The following MDN1 variants were observed in gnomAD, a reference collection of about 807,000 sequenced individuals.
The protein encoded by MDN1 is midasin AAA ATPase 1, also known as midasin.
In MDN1, 266 loss-of-function variants were observed where a neutral mutation model predicts 669.2. The ratio of observed to expected loss-of-function variants is 0.40; its 90% CI spans 0.36 to 0.44. The LOEUF (loss-of-function observed/expected upper bound fraction) is 0.44. Among genes scored for constraint, MDN1 ranks in the 20% least tolerant of loss-of-function variants. MDN1 has a pLI of 1.00. For synonymous variants in MDN1, 2,385 were observed against 2,457.1 expected, an observed-to-expected ratio of 0.97 and a Z score of 0.87; for missense variants, 5,940 against 6,754.0, an observed-to-expected ratio of 0.88 and a Z score of 4.22.
chr6:89,700,944 G>T, intron 55 of MDN1, 88 bp from the exon 56 acceptor site: 2 of 1,071,386 alleles, frequency 1.9e-6, no homozygotes, highest in Non-Finnish European at 2.7e-6. Flanking sequence ...ATAAATTTAT[G>T]ATATATTCTT....
Position 89,650,753 on chromosome 6 carries a change from G to C in MDN1, c.16010C>G (p.Pro5337Arg). The change falls in exon 96 of 102, where the codon CCT (proline) becomes CGT (arginine). Residue 5337 changes from proline (P) to arginine (R), a missense_variant. Pro to Arg is a moderately radical substitution (Grantham distance 103). Around this residue, in one of 5 missense-constraint regions of MDN1, gnomAD observed 2,280 missense variants for 2,576.3 expected, o/e 0.88. Coordinates refer to ENST00000369393, the MANE Select transcript of MDN1 (RefSeq NM_014611.3). ...TTACTTCAGCTTGGCTGCCTGGGTA[G>C]GCTCTAATATGAGACGAAGCTCTTC... Reference protein sequence around the residue: ...LCEELRLILEPTQAAKLKGDY... With the variant: ...LCEELRLILERTQAAKLKGDY... 2 of 1,613,992 alleles carry C rather than the reference G, an allele frequency of 1.2e-6. No individual in the cohort carries two copies. The highest frequency in any genetic ancestry group is 1.3e-5 in the African/African-American group (1 of 75,050).
chr6:89,649,668 G>C (rs4140447), intron 97 of MDN1, among the ~76,000 whole-genome samples: 135,349 of 152,248 alleles, frequency 0.89, 60,478 homozygotes, highest in East Asian at 1. Context: ...TTTTTTTTAA[G>C]AGTACACTGT....
At chr6:89,707,861 TA>T (rs545129653) in intron 51 of MDN1, among the ~76,000 whole-genome samples, 228 of 152,314 alleles carry the variant, frequency 1.5e-3, no homozygotes, top group African/African-American at 5.3e-3. Context: ...GAAAATTAAG[TA>T]AATTCATATG....
At chr6:89,751,700 A>G (rs976025055) in intron 22 of MDN1, 118 bp from the exon 23 acceptor site, 63 of 1,052,632 alleles carry the variant, frequency 6.0e-5, no homozygotes, top group Middle Eastern at 6.4e-4. Flanking sequence ...TACTTTCAAC[A>G]TTAAAACTGG....
chr6:89,758,904 G>C lies in MDN1; in HGVS notation c.2517C>G (p.Asn839Lys). 6.2e-7 allele frequency: 1 copy of C among 1,613,944 alleles called. No individual in the cohort carries two copies. Among genetic ancestry groups the C allele is most frequent in the Non-Finnish European group, 8.5e-7 (1 of 1,179,834 alleles). The change falls in exon 18 of 102, where the codon AAC (asparagine) becomes AAG (lysine). Residue 839 changes from asparagine to lysine, a missense_variant. Asn to Lys is a moderately conservative substitution (Grantham distance 94, BLOSUM62 0). Transcript: ENST00000369393. ...KGEWILLDEINLAAPEILECL... is the reference protein window; with the variant it reads ...KGEWILLDEIKLAAPEILECL... The stretch of plus-strand genomic sequence containing the variant: ...ATTCTAGTATTTCTGGAGCAGCCAA[G>C]TTAATCTCATCCAACAAGATCCACT...
chr6:89,805,234 AG>A (rs1442657464), intron 1 of MDN1, among the ~76,000 whole-genome samples: 3 of 152,046 alleles, frequency 2.0e-5, no homozygotes, highest in Non-Finnish European at 1.5e-5. Flanking sequence ...CCATGCTATC[AG>A]TTTATCCTAA....
rs1811115833 is a variant in MDN1 at position 89,675,450 on chromosome 6, T to A, written c.12761+14A>T. 6.2e-7 allele frequency: 1 copy of A among 1,608,974 alleles called. No homozygotes were observed. Among genetic ancestry groups the A allele is most frequent in the Non-Finnish European group, 8.5e-7 (1 of 1,177,410 alleles). On this transcript the variant is annotated intron_variant, in intron 78 of 101. Transcript: ENST00000369393. ...TCCCAATTCATGCCACAAGCCCAACTCATCAGCTGATACCTGAGGATGATC... is the reference window on the plus strand; with the variant it reads ...TCCCAATTCATGCCACAAGCCCAACACATCAGCTGATACCTGAGGATGATC...
At position 89,700,678 on chromosome 6, in the gene MDN1, A is replaced by T; in HGVS notation, c.8606T>A (p.Leu2869His). The T allele has an allele frequency of 6.2e-7, 1 of 1,614,224 alleles. No individual in the cohort carries two copies. The highest frequency in any genetic ancestry group is 8.5e-7 in the Non-Finnish European group (1 of 1,180,038). Residue 2869 changes from leucine to histidine, a missense_variant, in exon 56 of 102, where the codon CTC (leucine) becomes CAC (histidine). By Grantham distance (99) the Leu-to-His change is moderately conservative. Around this residue, in one of 5 missense-constraint regions of MDN1, gnomAD observed 2,292 missense variants for 2,638.3 expected, o/e 0.87. Coordinates refer to ENST00000369393, the MANE Select transcript of MDN1 (RefSeq NM_014611.3). Reference protein sequence around the residue: ...KSLLQAWGLILRANILEDVSL... With the variant: ...KSLLQAWGLIHRANILEDVSL... ...GACATCTTCCAAAATATTTGCTCTG[A>T]GGATCAGTCCCCAGGCTTGCAGGAG...
chr6:89,748,866 C>G (rs1052627172), intron 26 of MDN1, among the ~76,000 whole-genome samples: 1 of 150,414 alleles, frequency 6.6e-6, no homozygotes, highest in Non-Finnish European at 1.5e-5. Flanking sequence ...TCGAGACCAG[C>G]CGGGGCAACA....
In MDN1 at chr6:89,661,544, T is replaced by C. The variant is rs767789027; in HGVS notation, c.14600A>G (p.His4867Arg). Residue 4867 changes from histidine (H) to arginine (R), a missense_variant, in exon 88 of 102, where the codon CAT (histidine) becomes CGT (arginine). Transcript: ENST00000369393. ...TTCTGGCACCTTTTCCTGATTGCCA[T>C]GGTAAGGGTCCACCTCATTTTCATC... is the stretch of plus-strand genomic sequence containing the variant. ...DYDENEVDPY[H>R]GNQEKVPEPE... is the part of the protein sequence containing the mutation. The C allele has an allele frequency of 2.5e-6, 4 of 1,614,200 alleles. No individual in the cohort carries two copies. Among genetic ancestry groups the C allele is most frequent in the East Asian group, 4.5e-5 (2 of 44,888 alleles).
chr6:89,644,329 T>C (rs1808339826), intron 101 of MDN1, 136 bp from the exon 102 acceptor site: 1 of 657,624 alleles, frequency 1.5e-6, no homozygotes, highest in African/African-American at 1.8e-5. Context: ...CTTTTATTAC[T>C]AAGTAAAAGA....
At chr6:89,745,446 G>A (rs1216444928) in intron 28 of MDN1, 35 bp from the exon 29 acceptor site, 4 of 1,613,766 alleles carry the variant, frequency 2.5e-6, no homozygotes, top group Non-Finnish European at 3.4e-6. Flanking sequence ...AGATTCTAAT[G>A]AGTACAACTC....
Position 89,692,947 on chromosome 6 carries a change from A to G in MDN1, c.10083T>C (p.Ser3361=). Residue 3361 remains serine, a synonymous_variant, in exon 63 of 102, where the codon TCT becomes TCC. Coordinates refer to ENST00000369393, the MANE Select transcript of MDN1 (RefSeq NM_014611.3). ...TTAGAAGGCTCTGGGCTACTTGGGC[A>G]GACCGTGGCCCATCTATGTGGAGGG... ...LQALHIDGPR[S]AQVAQSLLKE... The G allele has an allele frequency of 6.2e-7, 1 of 1,614,164 alleles. No homozygotes were observed. Among genetic ancestry groups the G allele is most frequent in the Non-Finnish European group, 8.5e-7 (1 of 1,180,006 alleles).
At chr6:89,797,628 T>C in intron 2 of MDN1, 3 of 470,248 alleles carry the variant, frequency 6.4e-6, no homozygotes, top group South Asian at 4.8e-5. Context: ...CCATTATGTT[T>C]TGCAAGCCAT....
At chr6:89,753,233 A>T (rs1562181822) in intron 22 of MDN1, among the ~76,000 whole-genome samples, 1 of 152,204 alleles carries the variant, frequency 6.6e-6, no homozygotes. Context: ...TACCTCAATA[A>T]ATCAACATAT....
At chr6:89,733,642 A>T (rs989122948) in intron 33 of MDN1, among the ~76,000 whole-genome samples, 2 of 151,958 alleles carry the variant, frequency 1.3e-5, no homozygotes, top group Non-Finnish European at 2.9e-5. Flanking sequence ...CAAAAAAAAA[A>T]AAACTCTTTA....
intron 68 of MDN1, 129 bp from the exon 69 acceptor site, chr6:89,687,152 T>C: frequency 7.3e-7 from 1 of 1,378,904 alleles, no homozygotes; most frequent in South Asian, 1.3e-5. Flanking sequence ...CCCAGTTTCC[T>C]CCCTCAAGAA....
chr6:89,780,797 T>C (rs567664217), intron 10 of MDN1, among the ~76,000 whole-genome samples: 186 of 142,842 alleles, frequency 1.3e-3, no homozygotes, highest in Admixed American at 5.2e-3. Context: ...CCTGCCACCG[T>C]GCCTGGCTAA....
rs556902647 is a variant in MDN1, at chr6:89,789,880, A to G, written c.1130T>C (p.Val377Ala). The change falls in exon 7 of 102, where the codon GTT becomes GCT. Residue 377 changes from valine (V) to alanine (A), a missense_variant. Transcript: ENST00000369393. ...AGGCTGCCACACAAACTCTCCAGGAACATCTGTGCAGCGATACATCCCCAA... is the reference window on the plus strand; with the variant it reads ...AGGCTGCCACACAAACTCTCCAGGAGCATCTGTGCAGCGATACATCCCCAA... ...MLLGMYRCTD[V>A]PGEFVWQPGT... The G allele has an allele frequency of 4.3e-6, 7 of 1,613,976 alleles. No homozygotes were observed. In the South Asian group the frequency reaches 7.7e-5, roughly 18 times the overall value.
Sources: allele counts gnomAD v4.1 joint callset (sites outside exome capture counted in the v4.1 genomes callset), GRCh38; gene constraint gnomAD v4.1.1; regional missense constraint gnomAD v4.1.1; transcripts MANE v1.5; gene names NCBI Gene and HGNC (gene_info 2026-07-23, HGNC 2026-07-21).